The following SS18 variants were observed in gnomAD, a reference collection of about 807,000 sequenced individuals.
SS18 encodes the protein protein SSXT.
In SS18, 28 loss-of-function variants were observed where a neutral mutation model predicts 72.5. That is an observed-to-expected ratio of 0.39 (90% CI 0.29 to 0.53). The LOEUF is 0.53. Among genes scored for constraint, SS18 ranks in the 20% least tolerant of loss-of-function variants. The pLI is 0.76. For synonymous variants in SS18, 172 were observed against 164.2 expected, an observed-to-expected ratio of 1.05 and a Z score of -0.37; for missense variants, 518 against 535.3, an observed-to-expected ratio of 0.97 and a Z score of 0.32.
At chr18:26,032,256 C>T (rs1598536600) in intron 10 of SS18, 143 bp downstream of exon 10, 2 of 934,452 alleles carry the variant, frequency 2.1e-6, no homozygotes, top group East Asian at 2.5e-5. Context: ...AAAAGTGATA[C>T]ACTTTTTGTT....
At chr18:26,023,842 T>C (rs953406554) in intron 10 of SS18, among the ~76,000 whole-genome samples, 2 of 105,294 alleles carry the variant, frequency 1.9e-5, no homozygotes, top group South Asian at 5.0e-4. Flanking sequence ...ATTTAAAAAT[T>C]TTTTTTTCCT....
intron 4 of SS18, among the ~76,000 whole-genome samples, chr18:26,055,473 G>GA (rs973655595): frequency 6.6e-6 from 1 of 151,406 alleles, no homozygotes; most frequent in African/African-American, 2.4e-5. Flanking sequence ...GTCTCAAAAA[G>GA]AAAAAAATAG....
chr18:26,067,270 C>T (rs959518102), intron 3 of SS18, among the ~76,000 whole-genome samples: 3 of 152,184 alleles, frequency 2.0e-5, no homozygotes, highest in African/African-American at 7.2e-5. Flanking sequence ...AAGAAAAACA[C>T]TTGGACACCA....
At position 26,016,642 on chromosome 18, in the gene SS18, G is replaced by A. The variant is rs1012201298; in HGVS notation, c.*1712C>T. ...GGAGGCTGAGGCAGGAGAACTGCTT[G>A]AACCTGGGAGGCGGAGGTTGCAGTG... On this transcript the variant is annotated 3_prime_UTR_variant, in exon 11 of 11. Coordinates refer to ENST00000415083, the MANE Select transcript of SS18 (RefSeq NM_001007559.3). The A allele has an allele frequency of 5.3e-5, 10 of 186,924 alleles. No homozygotes were observed. The highest frequency in any genetic ancestry group is 2.1e-4 in the African/African-American group (9 of 42,690). 11.6% of individuals were successfully genotyped at this position (186,924 alleles called of 1,614,324 possible). A position where few individuals can be genotyped will look rare whatever the true frequency, so the allele number is the denominator to read the frequency against.
Position 26,083,211 on chromosome 18 carries a change from T to C in SS18, c.146+4290A>G, listed in dbSNP as rs1273081064. Among the ~76,000 whole-genome samples the C allele has an allele frequency of 2.6e-5, 4 of 152,136 alleles. No homozygotes were observed. The East Asian group carries it at 7.7e-4, about 29-fold the overall frequency. On this transcript the variant is annotated intron_variant, in intron 2 of 10. Transcript: ENST00000415083. ...GCTTAAATTGTTCACCAAGTATATG[T>C]GAGAAAATGAGATCTAATCCAATAT...
At chr18:26,074,257 C>A (rs1339576379) in intron 3 of SS18, among the ~76,000 whole-genome samples, 1 of 150,448 alleles carries the variant, frequency 6.6e-6, no homozygotes, top group Non-Finnish European at 1.5e-5. Flanking sequence ...TTAAATGTAC[C>A]AGAGTAAGAA....
At chr18:26,070,415 T>C (rs1453215741) in intron 3 of SS18, among the ~76,000 whole-genome samples, 1 of 152,220 alleles carries the variant, frequency 6.6e-6, no homozygotes, top group South Asian at 2.1e-4. Flanking sequence ...ATAGAACAAC[T>C]TCTCCCATTT....
chr18:26,026,303 C>T (rs993273997), intron 10 of SS18, among the ~76,000 whole-genome samples: 6 of 152,168 alleles, frequency 3.9e-5, no homozygotes, highest in African/African-American at 1.4e-4. Flanking sequence ...GGATATATAT[C>T]ATGACCAAAT....
intron 5 of SS18, 72 bp downstream of exon 5, chr18:26,052,552 C>G (rs1158420246): frequency 8.0e-7 from 1 of 1,256,448 alleles, no homozygotes; most frequent in East Asian, 2.3e-5. Context: ...AGCTAAGAAC[C>G]TGACAACAAT....
chr18:26,037,948 A>C (rs1567997263), intron 7 of SS18, among the ~76,000 whole-genome samples: 1 of 152,090 alleles, frequency 6.6e-6, no homozygotes, highest in Non-Finnish European at 1.5e-5. Context: ...CTACAAAAAA[A>C]CAAAAAACAA....
intron 2 of SS18, among the ~76,000 whole-genome samples, chr18:26,082,136 A>C (rs2054535461): frequency 6.6e-6 from 1 of 152,184 alleles, no homozygotes. Context: ...CTGTTATAAA[A>C]TATATTTAGT....
At chr18:26,048,033 A>T (rs1277403252) in intron 5 of SS18, among the ~76,000 whole-genome samples, 1 of 152,208 alleles carries the variant, frequency 6.6e-6, no homozygotes, top group East Asian at 1.9e-4. Context: ...GCAAATAAAC[A>T]TACAAAGTTA....
intron 4 of SS18, among the ~76,000 whole-genome samples, chr18:26,054,743 C>CTT (rs778326015): frequency 3.7e-5 from 5 of 134,104 alleles, no homozygotes; most frequent in Admixed American, 1.5e-4. Context: ...ATCTCTCTCT[C>CTT]TTTTTTTTTT....
At chr18:26,044,645 C>T (rs60433358) in intron 5 of SS18, among the ~76,000 whole-genome samples, 19,557 of 151,720 alleles carry the variant, frequency 0.13, 2,282 homozygotes, top group African/African-American at 0.3. Context: ...AATTTAACAT[C>T]AGTTATTTTA....
chr18:26,066,646 G>GT, intron 3 of SS18, among the ~76,000 whole-genome samples: 1 of 149,122 alleles, frequency 6.7e-6, no homozygotes, highest in Non-Finnish European at 1.5e-5. Flanking sequence ...GTTCTTCACA[G>GT]TAAGATATAT....
At chr18:26,080,691 A>C (rs1475867655) in intron 2 of SS18, among the ~76,000 whole-genome samples, 1 of 152,186 alleles carries the variant, frequency 6.6e-6, no homozygotes, top group Non-Finnish European at 1.5e-5. Flanking sequence ...CTTACAGAAA[A>C]GTTTCAATAG....
intron 1 of SS18, among the ~76,000 whole-genome samples, chr18:26,087,918 T>C (rs929635100): frequency 2.0e-5 from 3 of 152,208 alleles, no homozygotes; most frequent in African/African-American, 7.2e-5. Context: ...TACGTACTGT[T>C]TAAATCTCTT....
At chr18:26,019,950 T>C (rs529897916) in intron 10 of SS18, among the ~76,000 whole-genome samples, 1 of 151,882 alleles carries the variant, frequency 6.6e-6, no homozygotes, top group East Asian at 1.9e-4. Context: ...CTGAAAAAAA[T>C]AGTGTAGAGG....
intron 10 of SS18, among the ~76,000 whole-genome samples, chr18:26,028,957 A>AG (rs889495071): frequency 2.0e-5 from 3 of 152,356 alleles, no homozygotes; most frequent in African/African-American, 7.2e-5. Context: ...TGAAAAGGGT[A>AG]GGGAAAAAGA....
Sources: gnomAD v4.1 joint callset for allele counts (sites outside exome capture counted in the v4.1 genomes callset) on GRCh38, gnomAD v4.1.1 for gene constraint, MANE v1.5 for transcripts, NCBI Gene and HGNC (gene_info 2026-07-23, HGNC 2026-07-21) for gene names.